The following CPNE5 variants were observed in gnomAD, a reference collection of about 807,000 sequenced individuals.
The protein encoded by CPNE5 is copine-5.
CPNE5 carries 42 observed loss-of-function variants against 81.1 expected under a neutral mutation model. The observed-to-expected ratio is 0.52, with a 90% CI of 0.40 to 0.67. The LOEUF (loss-of-function observed/expected upper bound fraction) is 0.67. Among genes scored for constraint, CPNE5 ranks in the 30% least tolerant of loss-of-function variants. The pLI, the probability that CPNE5 is intolerant of heterozygous loss-of-function variation, is 0.00. For missense variants in CPNE5, 612 were observed against 815.5 expected, an observed-to-expected ratio of 0.75 and a Z score of 3.04; for synonymous variants, 313 against 321.5, an observed-to-expected ratio of 0.97 and a Z score of 0.28.
At chr6:36,829,144 T>C (rs975139445) in intron 1 of CPNE5, among the ~76,000 whole-genome samples, 3 of 152,116 alleles carry the variant, frequency 2.0e-5, no homozygotes, top group Non-Finnish European at 4.4e-5. Flanking sequence ...CACTGCTGAC[T>C]GGTTGCATAG....
rs946334545 is a variant in CPNE5 at position 36,824,325 on chromosome 6, G to A, written c.96-1227C>T. Among the ~76,000 whole-genome samples the A allele has an allele frequency of 5.3e-5, 8 of 152,118 alleles. 1 individual carries two copies. The highest frequency in any genetic ancestry group is 5.2e-4 in the Admixed American group (8 of 15,268). ...CTACAGTCTCTCCGAAGTGCCAGAG[G>A]GACTGAGCCCCAGGGGCCGCCAGGA... On this transcript the variant is annotated intron_variant, in intron 1 of 20. Transcript: ENST00000244751.
chr6:36,792,003 C>A (rs370554272), intron 8 of CPNE5, 30 bp downstream of exon 8: 1 of 1,602,914 alleles, frequency 6.2e-7, no homozygotes, highest in South Asian at 1.1e-5. Context: ...ACCCCAACCA[C>A]GTCCTGTGCT....
At chr6:36,823,018 C>T (rs775188833) in intron 2 of CPNE5, 40 bp downstream of exon 2, 1 of 1,501,680 alleles carries the variant, frequency 6.7e-7, no homozygotes. Flanking sequence ...CATAGCGTTG[C>T]CGCTATTGTT....
chr6:36,820,693 A>G (rs947595943), intron 3 of CPNE5, among the ~76,000 whole-genome samples: 2 of 151,824 alleles, frequency 1.3e-5, no homozygotes, highest in Admixed American at 1.3e-4. Context: ...TAATCCCAGC[A>G]GTTCGGGAGG....
rs1398192805 is a variant in CPNE5, at chr6:36,755,310, G to A, written c.909+935C>T. On this transcript the variant is annotated intron_variant, in intron 13 of 20. Transcript: ENST00000244751. ...AAGGAACACAGAGAGGATGAATCTG[G>A]GTGTGTTTGCACTGCAGAGAAAGTG... The A allele has an allele frequency of 2.6e-5, 4 of 152,326 alleles. No individual in the cohort carries two copies. The East Asian group carries it at 7.7e-4, about 29-fold the overall frequency. The allele number at this position is 152,326 out of a possible 1,614,324, so 9.4% of individuals were successfully genotyped here. A position where few individuals can be genotyped will look rare whatever the true frequency, so the allele number is the denominator to read the frequency against.
At chr6:36,800,105 G>T in intron 3 of CPNE5, 35 bp from the exon 4 acceptor site, 1 of 1,507,228 alleles carries the variant, frequency 6.6e-7, no homozygotes, top group South Asian at 1.2e-5. Context: ...CCTCAGGGCC[G>T]GGCTGGTGGG....
chr6:36,783,240 A>G (rs180500), intron 8 of CPNE5, among the ~76,000 whole-genome samples: 30,031 of 151,976 alleles, frequency 0.2, 4,217 homozygotes, highest in African/African-American at 0.39. Context: ...GGTGGGAGGA[A>G]GGAGAGGATC....
intron 9 of CPNE5, among the ~76,000 whole-genome samples, chr6:36,777,753 ACCCC>A (rs35760836): frequency 2.6e-5 from 3 of 113,726 alleles, no homozygotes; most frequent in South Asian, 3.7e-4. Flanking sequence ...TCCCCTGCCT[ACCCC>A]CCCCCCCACC....
intron 8 of CPNE5, among the ~76,000 whole-genome samples, chr6:36,780,990 C>T (rs959912034): frequency 3.3e-5 from 5 of 152,230 alleles, no homozygotes; most frequent in South Asian, 2.1e-4. Context: ...CAGTACCACT[C>T]TGCCCCCCTG....
chr6:36,800,584 G>A (rs75913810), intron 3 of CPNE5, among the ~76,000 whole-genome samples: 5,054 of 152,276 alleles, frequency 0.033, 234 homozygotes, highest in East Asian at 0.22. Context: ...GACTGTAGGA[G>A]ACCACCTCCT....
In CPNE5 at chr6:36,768,225, C is replaced by CTTTTTTTTTTTT. The variant is rs10586762; in HGVS notation, c.738-2861_738-2850dup. ...GGCTTTGACTACTCTATTCACAGTT[C>CTTTTTTTTTTTT]TTTTTTTTTTTTTTTTTTTTTTTTT... On this transcript the variant is annotated intron_variant, in intron 10 of 20. Coordinates refer to ENST00000244751, the MANE Select transcript of CPNE5 (RefSeq NM_020939.2). Among the ~76,000 whole-genome samples, 95 of 60,478 alleles carry CTTTTTTTTTTTT rather than the reference C, an allele frequency of 1.6e-3. 12 individuals are homozygous for CTTTTTTTTTTTT. Among genetic ancestry groups the CTTTTTTTTTTTT allele is most frequent in the African/African-American group, 4.3e-3 (68 of 15,704 alleles). The allele number at this position is 60,478 out of a possible 152,430, so 39.7% of individuals were successfully genotyped here.
chr6:36,829,894 C>T (rs76020947), intron 1 of CPNE5, among the ~76,000 whole-genome samples: 1,545 of 149,780 alleles, frequency 0.01, 15 homozygotes, highest in African/African-American at 0.027. Flanking sequence ...CCTGATGGTC[C>T]CACAGAGGCC....
chr6:36,816,478 G>A (rs1298997126), intron 3 of CPNE5, among the ~76,000 whole-genome samples: 1 of 152,214 alleles, frequency 6.6e-6, no homozygotes, highest in Admixed American at 6.5e-5. Context: ...GCAGCCTCAT[G>A]CAAACCCCAC....
At chr6:36,829,727 C>T (rs1389230070) in intron 1 of CPNE5, among the ~76,000 whole-genome samples, 2 of 148,176 alleles carry the variant, frequency 1.3e-5, no homozygotes, top group African/African-American at 2.5e-5. Context: ...GCAGGAGAAT[C>T]GCTTGAACCC....
At chr6:36,743,115 G>T (rs545192995) in intron 20 of CPNE5, 7 of 985,306 alleles carry the variant, frequency 7.1e-6, no homozygotes, top group Non-Finnish European at 7.2e-6. Context: ...AACCAAGGGG[G>T]TATGCAGGAT....
intron 9 of CPNE5, among the ~76,000 whole-genome samples, chr6:36,777,757 CCCCCCCCA>C (rs1767644396): frequency 4.0e-5 from 3 of 74,132 alleles, no homozygotes; most frequent in Non-Finnish European, 8.3e-5. Context: ...CTGCCTACCC[CCCCCCCCA>C]CCACACACAC....
chr6:36,753,184 C>T (rs1207036017), intron 13 of CPNE5, 89 bp from the exon 14 acceptor site: 18 of 1,060,188 alleles, frequency 1.7e-5, no homozygotes, highest in Admixed American at 7.1e-5. Context: ...ACAGAACACT[C>T]GGCATGTGCC....
At chr6:36,785,481 G>T (rs1291822994) in intron 8 of CPNE5, among the ~76,000 whole-genome samples, 1 of 152,136 alleles carries the variant, frequency 6.6e-6, no homozygotes, top group Non-Finnish European at 1.5e-5. Context: ...AAAGTAACTT[G>T]CCCAGGGTCA....
chr6:36,825,892 G>A (rs1475766953), intron 1 of CPNE5, among the ~76,000 whole-genome samples: 1 of 152,164 alleles, frequency 6.6e-6, no homozygotes. Flanking sequence ...AGCGCTTTAG[G>A]TTTATCTTTG....
Sources: allele counts gnomAD v4.1 joint callset (sites outside exome capture counted in the v4.1 genomes callset), GRCh38; gene constraint gnomAD v4.1.1; transcripts MANE v1.5; gene names NCBI Gene and HGNC (gene_info 2026-07-23, HGNC 2026-07-21).